ATP10B: variants seen among roughly 807,000 people sequenced by gnomAD.
ATP10B encodes the protein ATPase phospholipid transporting 10B (putative), also known as phospholipid-transporting ATPase VB.
A neutral mutation model predicts 141.2 loss-of-function variants in ATP10B; 122 were observed. The observed-to-expected ratio is 0.86, with a 90% CI of 0.75 to 1.00. The LOEUF (loss-of-function observed/expected upper bound fraction) is 1.00, where lower values mean the gene tolerates loss of function less well. Ranked by LOEUF, ATP10B falls within the 50% of genes least tolerant of loss-of-function variation. ATP10B has a pLI of 0.00. For missense variants in ATP10B, 1,876 were observed against 1,825.3 expected (o/e 1.03, Z -0.51); for synonymous variants, 685 against 692.0 (o/e 0.99, Z 0.16).
At chr5:160,683,047 A>ACCCCCC (rs1561748546) in intron 6 of ATP10B, among the ~76,000 whole-genome samples, 9 of 149,630 alleles carry the variant, frequency 6.0e-5, no homozygotes, top group African/African-American at 2.0e-4. Flanking sequence ...CCCCAAAAAA[A>ACCCCCC]AAAAAAAAAA....
chr5:160,686,119 C>A lies in ATP10B; in HGVS notation c.430G>T (p.Asp144Tyr). 1.2e-6 allele frequency: 2 copies of A among 1,601,194 alleles called. No homozygotes were observed. The highest frequency in any genetic ancestry group is 3.3e-4 in the Middle Eastern group (2 of 6,014). ...ATGTTGGAGCAGTTTATTGCTTTAT[C>A]AAAGCGGTGTCTCTTGAAGTCCTCC... Reference protein sequence around the residue: ...GMEDFKRHRFDKAINCSNIRI... With the variant: ...GMEDFKRHRFYKAINCSNIRI... Residue 144 changes from aspartate (D) to tyrosine (Y), a missense_variant, in exon 6 of 26, where the codon GAT becomes TAT. Transcript: ENST00000327245.
intron 2 of ATP10B, among the ~76,000 whole-genome samples, chr5:160,784,085 G>T (rs561278067): frequency 6.6e-6 from 1 of 152,262 alleles, no homozygotes; most frequent in African/African-American, 2.4e-5. Context: ...AGCCCAAGTG[G>T]TGTGGATCTT....
chr5:160,827,689 T>TA (rs1469860368), intron 1 of ATP10B, among the ~76,000 whole-genome samples: 1 of 152,218 alleles, frequency 6.6e-6, no homozygotes, highest in Non-Finnish European at 1.5e-5. Flanking sequence ...GGTTTTCTTC[T>TA]AGGATTTTAA....
the ATP10B span, among the ~76,000 whole-genome samples, chr5:160,910,454 C>T: frequency 1.3e-5 from 2 of 152,132 alleles, no homozygotes; most frequent in East Asian, 1.9e-4. Context: ...GCCCCTATAT[C>T]GAGAACAAAG....
intron 1 of ATP10B, among the ~76,000 whole-genome samples, chr5:160,801,951 C>A (rs1772395144): frequency 2.0e-5 from 3 of 152,056 alleles, no homozygotes; most frequent in African/African-American, 7.3e-5. Flanking sequence ...GAAGATCTTC[C>A]CAAGAAATAT....
At chr5:160,817,158 T>C (rs1773699674) in intron 1 of ATP10B, among the ~76,000 whole-genome samples, 1 of 152,130 alleles carries the variant, frequency 6.6e-6, no homozygotes, top group African/African-American at 2.4e-5. Flanking sequence ...GCCAGGGCAA[T>C]CAGGCAGGAG....
chr5:160,770,512 ATTAAG>A (rs1215088530), intron 2 of ATP10B, among the ~76,000 whole-genome samples: 7 of 152,280 alleles, frequency 4.6e-5, no homozygotes, highest in South Asian at 2.1e-4. Context: ...AAAAAACAAA[ATTAAG>A]TTATTTGAAA....
intron 1 of ATP10B, among the ~76,000 whole-genome samples, chr5:160,795,269 A>T (rs1173220265): frequency 6.6e-6 from 1 of 152,230 alleles, no homozygotes; most frequent in Non-Finnish European, 1.5e-5. Flanking sequence ...TTTCACAGCT[A>T]CCTAGACAAG....
At chr5:160,664,354 C>G (rs538759856) in intron 7 of ATP10B, among the ~76,000 whole-genome samples, 5 of 152,182 alleles carry the variant, frequency 3.3e-5, no homozygotes, top group Admixed American at 3.3e-4. Context: ...CAAAATGCTC[C>G]TCTAAGTACC....
At chr5:160,859,318 C>G in the ATP10B span, among the ~76,000 whole-genome samples, 1 of 151,836 alleles carries the variant, frequency 6.6e-6, no homozygotes, top group Admixed American at 6.6e-5. Context: ...GAGAAATACT[C>G]TGTCATTTAA....
At chr5:160,752,571 T>C (rs563245849) in intron 2 of ATP10B, among the ~76,000 whole-genome samples, 1 of 152,302 alleles carries the variant, frequency 6.6e-6, no homozygotes, top group African/African-American at 2.4e-5. Context: ...AATTTCGTTC[T>C]TTTTTTCTTA....
chr5:160,853,702 C>T (rs191292819), upstream of ATP10B, among the ~76,000 whole-genome samples: 339 of 152,216 alleles, frequency 2.2e-3, 3 homozygotes, highest in African/African-American at 6.5e-3. Context: ...TAAATACTAA[C>T]AGACATATGG....
intron 2 of ATP10B, among the ~76,000 whole-genome samples, chr5:160,724,696 G>C (rs1766217132): frequency 6.6e-6 from 1 of 152,080 alleles, no homozygotes; most frequent in South Asian, 2.1e-4. Flanking sequence ...GGGCACACAG[G>C]TCATGTGCCC....
chr5:160,904,580 G>A, the ATP10B span, among the ~76,000 whole-genome samples: 1 of 152,066 alleles, frequency 6.6e-6, no homozygotes, highest in Non-Finnish European at 1.5e-5. Context: ...TGCCCAACTT[G>A]CAATACATAT....
intron 3 of ATP10B, chr5:160,691,925 T>C (rs1254487161): frequency 6.6e-6 from 1 of 152,336 alleles, no homozygotes; most frequent in East Asian, 1.9e-4. Flanking sequence ...TCTTTGCTAT[T>C]ATAAAAAATG....
At position 160,612,693 on chromosome 5, in the gene ATP10B, G is replaced by T. The variant is rs747433083; in HGVS notation, c.2838+48C>A. The T allele has an allele frequency of 5.3e-6, 8 of 1,522,312 alleles. No homozygotes were observed. The East Asian group carries it at 1.4e-4, about 26-fold the overall frequency. 94.3% of individuals were successfully genotyped at this position (1,522,312 alleles called of 1,614,324 possible). ...CCTGTGTCCTCTTGGTTGAGGGGTT[G>T]CTCTACACGTTGATATCTGCAGATA... On this transcript the variant is annotated intron_variant, in intron 18 of 25. Coordinates refer to ENST00000327245, the MANE Select transcript of ATP10B (RefSeq NM_025153.3).
rs540346600 is a variant in ATP10B, at chr5:160,594,879, C to A, written c.3565-3740G>T. Among the ~76,000 whole-genome samples the A allele has an allele frequency of 2.6e-5, 4 of 152,226 alleles. No individual in the cohort carries two copies. The East Asian group carries it at 7.7e-4, about 29-fold the overall frequency. On this transcript the variant is annotated intron_variant, in intron 22 of 25. Coordinates refer to ENST00000327245, the MANE Select transcript of ATP10B (RefSeq NM_025153.3). ...ATATATGCACCCAATACAGGAGCAC[C>A]CAGATTCATAAAGCAAGTCCTGAGT...
intron 1 of ATP10B, among the ~76,000 whole-genome samples, chr5:160,790,155 A>T (rs1334993083): frequency 6.6e-6 from 1 of 152,060 alleles, no homozygotes; most frequent in African/African-American, 2.4e-5. Context: ...TTTGGATGGT[A>T]CCCTGTCACC....
At chr5:160,566,698 G>A (rs1180636717) in intron 25 of ATP10B, among the ~76,000 whole-genome samples, 2 of 152,188 alleles carry the variant, frequency 1.3e-5, no homozygotes, top group African/African-American at 4.8e-5. Flanking sequence ...GGGTGAGAAT[G>A]TGAATATAAC....
Sources: allele counts gnomAD v4.1 joint callset (sites outside exome capture counted in the v4.1 genomes callset), GRCh38; gene constraint gnomAD v4.1.1; transcripts MANE v1.5; gene names NCBI Gene and HGNC (gene_info 2026-07-23, HGNC 2026-07-21).